Variants in CELF2 observed in about 807,000 individuals in gnomAD.
CELF2 encodes CUGBP Elav-like family member 2, also known as CUG triplet repeat RNA-binding protein 2.
In CELF2, 8 loss-of-function variants were observed where a neutral mutation model predicts 62.6. The ratio of observed to expected loss-of-function variants is 0.13; its 90% CI spans 0.07 to 0.23. The LOEUF (loss-of-function observed/expected upper bound fraction) is 0.23. CELF2 is among the 10% of genes least tolerant of loss of function. The pLI is 1.00. For missense variants in CELF2, 333 were observed against 671.0 expected (o/e 0.50, Z 5.56); for synonymous variants, 258 against 250.0 (o/e 1.03, Z -0.30).
At chr10:11,122,202 G>A (rs2057895039) in intron 1 of CELF2, among the ~76,000 whole-genome samples, 1 of 152,144 alleles carries the variant, frequency 6.6e-6, no homozygotes, top group Non-Finnish European at 1.5e-5. Context: ...GATCTCTGCA[G>A]CAAGGCCTCA....
chr10:10,498,671 AAC>A, the CELF2 span, among the ~76,000 whole-genome samples: 1 of 152,188 alleles, frequency 6.6e-6, no homozygotes, highest in African/African-American at 2.4e-5. Context: ...TCGTGGAGCT[AAC>A]ACAGAGTCAC....
intron 2 of CELF2, among the ~76,000 whole-genome samples, chr10:10,949,180 C>T (rs911046163): frequency 3.9e-5 from 6 of 152,104 alleles, no homozygotes; most frequent in South Asian, 2.1e-4. Context: ...GTGTTCCCTC[C>T]GTCTCCAAGG....
rs145909633 is a variant in CELF2 at position 10,837,840 on chromosome 10, T to G, written c.53+39023T>G. On this transcript the variant is annotated intron_variant, in intron 1 of 13. Transcript: ENST00000636488. ...AGACTTTTTTTTTCCACTTTAGTTA[T>G]AGATTTACAGAAAAATGGAAAATAT... 2.8e-3 allele frequency among the ~76,000 whole-genome samples: 428 copies of G among 152,308 alleles called. 2 individuals carry two copies. Among genetic ancestry groups the G allele is most frequent in the African/African-American group, 9.0e-3 (376 of 41,564 alleles).
chr10:11,333,974 T>C lies in CELF2; in HGVS notation c.*4921T>C, dbSNP rs2096074549. 1 of 152,106 alleles carries C rather than the reference T, an allele frequency of 6.6e-6. No individual in the cohort carries two copies. The allele number at this position is 152,106 out of a possible 1,614,324, so 9.4% of individuals were successfully genotyped here. The stretch of plus-strand genomic sequence containing the variant: ...TCAAGTTTGATTTCGGGTTGATTGA[T>C]TGATTGATTGATAGAAAGAAAGTTG... On this transcript the variant is annotated 3_prime_UTR_variant, in exon 13 of 13. Transcript: ENST00000633077.
chr10:11,141,189 G>T (rs746167702), intron 1 of CELF2, among the ~76,000 whole-genome samples: 1 of 152,204 alleles, frequency 6.6e-6, no homozygotes, highest in Non-Finnish European at 1.5e-5. Context: ...TGGAGCTGAG[G>T]TTCCTAGCAC....
At chr10:10,994,878 T>C (rs1053585806) in intron 2 of CELF2, among the ~76,000 whole-genome samples, 2 of 152,176 alleles carry the variant, frequency 1.3e-5, no homozygotes, top group Non-Finnish European at 2.9e-5. Flanking sequence ...CTGTCTCTCA[T>C]GTAATCTGCC....
chr10:10,845,936 C>A (rs765590466), intron 1 of CELF2: 2 of 164,064 alleles, frequency 1.2e-5, no homozygotes, highest in Non-Finnish European at 2.5e-5. Flanking sequence ...TATTATGTAA[C>A]TATTTGGTTC....
chr10:10,510,142 A>G, the CELF2 span, among the ~76,000 whole-genome samples: 1 of 152,168 alleles, frequency 6.6e-6, no homozygotes, highest in Non-Finnish European at 1.5e-5. Context: ...AATTTATTAG[A>G]TCTTTCTTGG....
chr10:10,856,461 GA>G (rs1004430912), intron 1 of CELF2, among the ~76,000 whole-genome samples: 2 of 152,058 alleles, frequency 1.3e-5, no homozygotes, highest in Admixed American at 6.6e-5. Flanking sequence ...AATTTTGGGG[GA>G]AAAAATGACT....
At chr10:10,628,158 G>A in the CELF2 span, among the ~76,000 whole-genome samples, 6 of 152,158 alleles carry the variant, frequency 3.9e-5, no homozygotes, top group South Asian at 1.0e-3. Flanking sequence ...CCTGCCTTGG[G>A]CTCCCAAAGT....
chr10:10,739,345 C>T, the CELF2 span, among the ~76,000 whole-genome samples: 6 of 152,054 alleles, frequency 3.9e-5, no homozygotes, highest in Non-Finnish European at 7.4e-5. Flanking sequence ...TCATTGAAAT[C>T]TTCCAAATGT....
rs142829779 is a variant in CELF2 at position 11,191,435 on chromosome 10, C to T, written c.271+25753C>T. ...CCCAGGCAATGAAACGGAGAGGTGT[C>T]TCCTGGTGTTGCAGTGGGGAGGAGA... On this transcript the variant is annotated intron_variant, in intron 2 of 12. Coordinates refer to ENST00000633077, the MANE Select transcript of CELF2 (RefSeq NM_001326342.2). This position sits in a 1 kb window ranked among gnomAD's most constrained non-coding sequence, Gnocchi z 4.1. 3.2e-4 allele frequency among the ~76,000 whole-genome samples: 48 copies of T among 152,286 alleles called. 1 individual carries two copies. The East Asian group carries it at 8.9e-3, about 28-fold the overall frequency.
chr10:11,321,119 C>G lies in CELF2; in HGVS notation c.1097-70C>G. On this transcript the variant is annotated intron_variant, in intron 10 of 12. Coordinates refer to ENST00000633077, the MANE Select transcript of CELF2 (RefSeq NM_001326342.2). The surrounding 1 kb of genome is among the most constrained non-coding windows in gnomAD (Gnocchi z 6.2). ...TGTTGTACTGTGTTTAAATGATTCT[C>G]TAACTTCCTTTGGAAAGCACTAATG... is the stretch of plus-strand genomic sequence containing the variant. 6.6e-7 allele frequency: 1 copy of G among 1,525,238 alleles called. No individual in the cohort carries two copies. The highest frequency in any genetic ancestry group is 9.1e-7 in the Non-Finnish European group (1 of 1,101,492). The allele number at this position is 1,525,238 out of a possible 1,614,324, so 94.5% of individuals were successfully genotyped here. A position where few individuals can be genotyped will look rare whatever the true frequency, so the allele number is the denominator to read the frequency against.
the CELF2 span, among the ~76,000 whole-genome samples, chr10:10,677,189 T>C: frequency 6.6e-6 from 1 of 152,134 alleles, no homozygotes; most frequent in East Asian, 1.9e-4. Flanking sequence ...ATAAAATACT[T>C]TGGAGGTTCA....
At chr10:10,490,087 TG>T in the CELF2 span, among the ~76,000 whole-genome samples, 1 of 132,516 alleles carries the variant, frequency 7.5e-6, no homozygotes, top group South Asian at 2.5e-4. Context: ...TGGAATGTCA[TG>T]GGGGAAAAAA....
the CELF2 span, among the ~76,000 whole-genome samples, chr10:10,668,685 C>T: frequency 1.3e-5 from 2 of 152,176 alleles, no homozygotes; most frequent in Admixed American, 1.3e-4. Context: ...AGGCCAAGCA[C>T]AGTGGCTCAT....
intron 1 of CELF2, among the ~76,000 whole-genome samples, chr10:11,097,735 A>G (rs7091228): frequency 0.18 from 27,545 of 152,136 alleles, 2,701 homozygotes; most frequent in Non-Finnish European, 0.23. Context: ...TGGGTACCTG[A>G]GTTTCTACGG....
the CELF2 span, among the ~76,000 whole-genome samples, chr10:10,625,547 A>G: frequency 6.6e-5 from 10 of 152,218 alleles, no homozygotes; most frequent in Non-Finnish European, 1.3e-4. Flanking sequence ...CAAAACTTCA[A>G]ATCTCGAAGC....
chr10:10,906,070 CAATAAAAATAAA>C lies in CELF2; in HGVS notation c.54-13879_54-13868del, dbSNP rs969436963. ...TGGGCGATAGAGCCAGATTCTGTCT[CAATAAAAATAAA>C]AATAAAAATAAAAAAATAAAAGTTG... On this transcript the variant is annotated intron_variant, in intron 1 of 13. Coordinates refer to the CELF2 transcript ENST00000636488. Among the ~76,000 whole-genome samples the C allele has an allele frequency of 4.6e-5, 7 of 151,674 alleles. No individual in the cohort carries two copies. In the South Asian group the frequency reaches 1.0e-3, roughly 23 times the overall value.
Sources: allele counts gnomAD v4.1 joint callset (sites outside exome capture counted in the v4.1 genomes callset), GRCh38; gene constraint gnomAD v4.1.1; non-coding constraint Gnocchi (gnomAD v3.1); transcripts MANE v1.5; gene names NCBI Gene and HGNC (gene_info 2026-07-23, HGNC 2026-07-21).